Variants in RNF103 observed in about 807,000 individuals in gnomAD.
The protein encoded by RNF103 is E3 ubiquitin-protein ligase RNF103.
In RNF103, 23 loss-of-function variants were observed where a neutral mutation model predicts 66.2. That is an observed-to-expected ratio of 0.35 (90% CI 0.25 to 0.49). The LOEUF is 0.49. Ranked by LOEUF, RNF103 falls within the 20% of genes least tolerant of loss-of-function variation. The pLI is 0.98. For missense variants in RNF103, 730 were observed against 814.7 expected, an observed-to-expected ratio of 0.90 and a Z score of 1.27; for synonymous variants, 297 against 289.9, an observed-to-expected ratio of 1.02 and a Z score of -0.25.
rs1374873381 is a variant in RNF103 at position 86,622,673 on chromosome 2, C to T, written c.214G>A (p.Val72Met). The change falls in exon 1 of 4, where the codon GTG becomes ATG. Residue 72 changes from valine to methionine, a missense_variant. By Grantham distance (21) the Val-to-Met change is conservative. Around this residue, in one of 3 missense-constraint regions of RNF103, gnomAD observed 327 missense variants for 369.8 expected, o/e 0.88. Transcript: ENST00000237455. ...LPEKKDVREL[V>M]EKSGDLMEGE... ...GCCCGATACTCGCCTGACTTTTCCA[C>T]CAGCTCCCGGACATCCTTCTTCTCG... 2 of 1,614,084 alleles carry T rather than the reference C, an allele frequency of 1.2e-6. No homozygotes were observed. The highest frequency in any genetic ancestry group is 1.7e-5 in the Admixed American group (1 of 60,018).
In RNF103 at chr2:86,623,859, A is replaced by C. The variant is rs3810830; in HGVS notation, c.-973T>G. 1.0e-4 allele frequency: 130 copies of C among 1,287,786 alleles called. No individual in the cohort carries two copies. The East Asian group carries it at 7.0e-3, about 69-fold the overall frequency. 79.8% of individuals were successfully genotyped at this position (1,287,786 alleles called of 1,614,324 possible). A position where few individuals can be genotyped will look rare whatever the true frequency, so the allele number is the denominator to read the frequency against. Reference sequence around the variant, plus strand: ...AGCGGCGGCCGCGGCCGGAGCCGAGACATAACAACTGACGTCGCGATGAGG... The same window carrying C: ...AGCGGCGGCCGCGGCCGGAGCCGAGCCATAACAACTGACGTCGCGATGAGG... On this transcript the variant is annotated 5_prime_UTR_variant, in exon 1 of 4. Transcript: ENST00000237455.
rs1331807919 is a variant in RNF103, at chr2:86,605,140, C to T, written c.761G>A (p.Ser254Asn). ...DQPPAFFSALSIKFTGRVEFI... is the reference protein window; with the variant it reads ...DQPPAFFSALNIKFTGRVEFI... Reference sequence around the variant, plus strand: ...CTCAACTCTTCCAGTAAACTTTATACTTAGTGCAGAGAAGAAAGCTGGGGG... The same window carrying T: ...CTCAACTCTTCCAGTAAACTTTATATTTAGTGCAGAGAAGAAAGCTGGGGG... The change falls in exon 4 of 4, where the codon AGT (serine) becomes AAT (asparagine). Residue 254 changes from serine (S) to asparagine (N), a missense_variant. Coordinates refer to ENST00000237455, the MANE Select transcript of RNF103 (RefSeq NM_005667.4). 6.2e-7 allele frequency: 1 copy of T among 1,613,712 alleles called. No homozygotes were observed. The highest frequency in any genetic ancestry group is 8.5e-7 in the Non-Finnish European group (1 of 1,180,036).
At chr2:86,613,516 T>C (rs911212238) in intron 2 of RNF103, 5 of 152,330 alleles carry the variant, frequency 3.3e-5, no homozygotes, top group Admixed American at 3.3e-4. Context: ...AAATGTTATA[T>C]TTCTGATACT....
chr2:86,620,274 G>A (rs1418312060), intron 2 of RNF103, 56 bp downstream of exon 2: 1 of 1,522,366 alleles, frequency 6.6e-7, no homozygotes, highest in Non-Finnish European at 8.9e-7. Flanking sequence ...TACTATTTTG[G>A]TAAAAATAAT....
In RNF103 at chr2:86,617,600, G is replaced by A. The variant is rs141695637; in HGVS notation, c.366+2730C>T. On this transcript the variant is annotated intron_variant, in intron 2 of 3. Coordinates refer to ENST00000237455, the MANE Select transcript of RNF103 (RefSeq NM_005667.4). ...AGGCATCCACTGGGGGTCTTGGAAC[G>A]CATCCCCCTCAGATAAGGGGGGACT... The A allele has an allele frequency of 8.6e-4, 798 of 923,964 alleles. 7 individuals carry two copies. The African/African-American group carries it at 0.013, about 16-fold the overall frequency. 57.2% of individuals were successfully genotyped at this position (923,964 alleles called of 1,614,324 possible). A position where few individuals can be genotyped will look rare whatever the true frequency, so the allele number is the denominator to read the frequency against.
rs1466748838 is a variant in RNF103 at position 86,603,748 on chromosome 2, TTAAAC to T, written c.*90_*94del. 1.1e-5 allele frequency: 16 copies of T among 1,492,900 alleles called. No individual in the cohort carries two copies. The East Asian group carries it at 2.3e-4, about 21-fold the overall frequency. 92.5% of individuals were successfully genotyped at this position (1,492,900 alleles called of 1,614,324 possible). ...TGTATTTCCCGTCACTGCACTAACA[TTAAAC>T]TAAACTTCAAACCACAAAAACATTG... On this transcript the variant is annotated 3_prime_UTR_variant, in exon 4 of 4. Coordinates refer to ENST00000237455, the MANE Select transcript of RNF103 (RefSeq NM_005667.4).
chr2:86,614,916 TG>T, intron 2 of RNF103: 1 of 985,448 alleles, frequency 1.0e-6, no homozygotes, highest in Non-Finnish European at 1.2e-6. Context: ...ATTTCAGGTC[TG>T]TGTGCAGAAT....
chr2:86,607,069 A>C (rs1244403581), intron 3 of RNF103, among the ~76,000 whole-genome samples: 4 of 151,360 alleles, frequency 2.6e-5, no homozygotes, highest in Non-Finnish European at 4.4e-5. Context: ...TTTAAAAAGT[A>C]TTTTTTTTTC....
rs1181547549 is a variant in RNF103 at position 86,603,921 on chromosome 2, A to G, written c.1980T>C (p.Pro660=). ...MWLAGGRHCC[P]VCRWPSYKKK... is the part of the protein sequence containing the mutation. The stretch of plus-strand genomic sequence containing the variant: ...TTTTATAAGAAGGCCACCGGCAAAC[A>G]GGGCAACAATGTCGGCCCCCAGCCA... Residue 660 remains proline, a synonymous_variant, in exon 4 of 4, where the codon CCT becomes CCC. Transcript: ENST00000237455. 1.9e-6 allele frequency: 3 copies of G among 1,614,202 alleles called. No individual in the cohort carries two copies. Among genetic ancestry groups the G allele is most frequent in the South Asian group, 1.1e-5 (1 of 91,082 alleles).
intron 2 of RNF103, chr2:86,614,126 G>A (rs1366120267): frequency 1.3e-5 from 2 of 152,182 alleles, no homozygotes; most frequent in Non-Finnish European, 2.9e-5. Context: ...ATGAAAATAA[G>A]TGGTCTTATT....
At chr2:86,608,743 T>C (rs1171127060) in intron 3 of RNF103, among the ~76,000 whole-genome samples, 3 of 151,572 alleles carry the variant, frequency 2.0e-5, no homozygotes, top group Non-Finnish European at 2.9e-5. Context: ...CTAATCCCCA[T>C]CTCCCCAACC....
At position 86,622,949 on chromosome 2, in the gene RNF103, C is replaced by A; in HGVS notation, c.-63G>T. 1 of 1,502,510 alleles carries A rather than the reference C, an allele frequency of 6.7e-7. No homozygotes were observed. Among genetic ancestry groups the A allele is most frequent in the Admixed American group, 2.3e-5 (1 of 44,434 alleles). The allele number at this position is 1,502,510 out of a possible 1,614,324, so 93.1% of individuals were successfully genotyped here. On this transcript the variant is annotated 5_prime_UTR_variant, in exon 1 of 4. Coordinates refer to ENST00000237455, the MANE Select transcript of RNF103 (RefSeq NM_005667.4). Reference sequence around the variant, plus strand: ...ATACGGGAGAGAGAAGGGTCGAGGGCGGGGGCCGCGGCTCGGTGGCAGCTT... The same window carrying A: ...ATACGGGAGAGAGAAGGGTCGAGGGAGGGGGCCGCGGCTCGGTGGCAGCTT...
chr2:86,622,605 TA>T (rs1435554238), intron 1 of RNF103, 55 bp downstream of exon 1: 9 of 1,551,770 alleles, frequency 5.8e-6, no homozygotes, highest in Admixed American at 5.0e-5. Context: ...TACCAGGAGG[TA>T]CAGGTCGTCC....
At position 86,605,333 on chromosome 2, in the gene RNF103, T is replaced by C. The variant is rs1558682281; in HGVS notation, c.568A>G (p.Lys190Glu). Residue 190 changes from lysine to glutamate, a missense_variant, in exon 4 of 4, where the codon AAA becomes GAA. Around this residue, in one of 3 missense-constraint regions of RNF103, gnomAD observed 327 missense variants for 369.8 expected, o/e 0.88. Transcript: ENST00000237455. ...TCAATCTTGCGTCCACTGTATTCTT[T>C]AAGCATGACTTTCCCTTTTGAAGTA... ...TSTSKGKVML[K>E]EYSGRKIEVE... is the part of the protein sequence containing the mutation. 6.2e-7 allele frequency: 1 copy of C among 1,614,220 alleles called. No individual in the cohort carries two copies. Among genetic ancestry groups the C allele is most frequent in the Non-Finnish European group, 8.5e-7 (1 of 1,180,036 alleles).
At chr2:86,609,342 C>T (rs1017809022) in intron 3 of RNF103, among the ~76,000 whole-genome samples, 8 of 151,626 alleles carry the variant, frequency 5.3e-5, no homozygotes, top group African/African-American at 1.2e-4. Flanking sequence ...GAACAGTGAG[C>T]TAAATAAATC....
chr2:86,622,155 T>G (rs1679251895), intron 1 of RNF103, among the ~76,000 whole-genome samples: 1 of 152,222 alleles, frequency 6.6e-6, no homozygotes, highest in Non-Finnish European at 1.5e-5. Context: ...CGGTGTATAC[T>G]GTCTATATTC....
At chr2:86,622,006 A>T (rs534399691) in intron 1 of RNF103, among the ~76,000 whole-genome samples, 3 of 152,114 alleles carry the variant, frequency 2.0e-5, no homozygotes, top group Non-Finnish European at 4.4e-5. Flanking sequence ...GACAAAAAAA[A>T]TTTTTCTTTT....
Position 86,604,091 on chromosome 2 carries a change from T to TA in RNF103, c.1809dup (p.Met604TyrfsTer4), listed in dbSNP as rs1558681178. 1 of 1,613,788 alleles carries TA rather than the reference T, an allele frequency of 6.2e-7. No individual in the cohort carries two copies. The highest frequency in any genetic ancestry group is 8.5e-7 in the Non-Finnish European group (1 of 1,180,036). ...GGCCAAGTTAACCAATCAGGTTCCA[T>TA]ATCTTCATTAGTGTTATATGATCCA... On this transcript the variant is annotated frameshift_variant, in exon 4 of 4. Coordinates refer to ENST00000237455, the MANE Select transcript of RNF103 (RefSeq NM_005667.4). LOFTEE classifies it high-confidence loss of function.
chr2:86,623,507 G>A lies in RNF103; in HGVS notation c.-621C>T, dbSNP rs1679321712. On this transcript the variant is annotated 5_prime_UTR_variant, in exon 1 of 4. Transcript: ENST00000237455. ...GCCCGAAGCCCAGGCCCCAGGCCCC[G>A]CCGACCGCCCAGGCTCCGCGAGAAG... 4 of 983,428 alleles carry A rather than the reference G, an allele frequency of 4.1e-6. No individual in the cohort carries two copies. The highest frequency in any genetic ancestry group is 4.7e-5 in the South Asian group (1 of 21,318). 60.9% of individuals were successfully genotyped at this position (983,428 alleles called of 1,614,324 possible). A position where few individuals can be genotyped will look rare whatever the true frequency, so the allele number is the denominator to read the frequency against.
Sources: allele counts gnomAD v4.1 joint callset (sites outside exome capture counted in the v4.1 genomes callset), GRCh38; gene constraint gnomAD v4.1.1; regional missense constraint gnomAD v4.1.1; transcripts MANE v1.5; gene names NCBI Gene and HGNC (gene_info 2026-07-23, HGNC 2026-07-21).